TIMM23: variants seen among roughly 807,000 people sequenced by gnomAD.
TIMM23 encodes the protein mitochondrial import inner membrane translocase subunit Tim23.
TIMM23 carries 19 observed loss-of-function variants against 30.7 expected under a neutral mutation model. That is an observed-to-expected ratio of 0.62 (90% confidence interval 0.43 to 0.91). The LOEUF (loss-of-function observed/expected upper bound fraction) is 0.91, where lower values mean the gene tolerates loss of function less well. TIMM23 is among the 40% of genes least tolerant of loss of function. The pLI is 0.00. For synonymous variants in TIMM23, 78 were observed against 98.5 expected, an observed-to-expected ratio of 0.79 and a Z score of 1.23; for missense variants, 202 against 269.2, an observed-to-expected ratio of 0.75 and a Z score of 1.75.
intron 2 of TIMM23, among the ~76,000 whole-genome samples, chr10:45,976,259 A>T (rs1427682827): frequency 4.6e-5 from 7 of 151,652 alleles, no homozygotes; most frequent in African/African-American, 1.7e-4. Context: ...CCACATGCTT[A>T]TCTCAATAGA....
intron 6 of TIMM23, among the ~76,000 whole-genome samples, chr10:45,994,161 G>A (rs1838255884): frequency 6.6e-6 from 1 of 151,978 alleles, no homozygotes; most frequent in Non-Finnish European, 1.5e-5. Context: ...CCAACATGAC[G>A]AAACCCCATC....
At chr10:45,982,379 A>G (rs1295606464) in intron 2 of TIMM23, 144 bp from the exon 3 acceptor site, 6 of 727,912 alleles carry the variant, frequency 8.2e-6, no homozygotes, top group Non-Finnish European at 1.1e-5. Context: ...TGCTGCAGAA[A>G]GTTTTATTTT....
chr10:45,974,037 T>C (rs1222282508), intron 1 of TIMM23, among the ~76,000 whole-genome samples: 9 of 152,114 alleles, frequency 5.9e-5, no homozygotes, highest in African/African-American at 9.7e-5. Flanking sequence ...TGTGACAATA[T>C]TGTTAAATTA....
chr10:45,992,537 C>G (rs1464349752), intron 6 of TIMM23: 1 of 430,140 alleles, frequency 2.3e-6, no homozygotes, highest in Admixed American at 2.9e-5. Context: ...AGGTAGCAAT[C>G]AAAATCCAAT....
chr10:45,988,312 A>C (rs1470667554), intron 5 of TIMM23, among the ~76,000 whole-genome samples: 2 of 152,100 alleles, frequency 1.3e-5, no homozygotes, highest in African/African-American at 4.8e-5. Context: ...ATGGGGTACG[A>C]TCTTTTCTGA....
At chr10:45,996,968 C>CAAAA (rs1172844294) in intron 6 of TIMM23, among the ~76,000 whole-genome samples, 2 of 112,508 alleles carry the variant, frequency 1.8e-5, no homozygotes, top group African/African-American at 3.5e-5. Context: ...CTGTGTCAAA[C>CAAAA]AAAAAAAAAA....
At chr10:45,999,833 T>C (rs979824953) in intron 6 of TIMM23, among the ~76,000 whole-genome samples, 26 of 152,082 alleles carry the variant, frequency 1.7e-4, no homozygotes, top group African/African-American at 5.8e-4. Flanking sequence ...CTACAGACCA[T>C]AAAAGATGGC....
At chr10:45,991,805 CTG>C (rs1345109328) in intron 6 of TIMM23, among the ~76,000 whole-genome samples, 2 of 151,794 alleles carry the variant, frequency 1.3e-5, no homozygotes, top group Non-Finnish European at 2.9e-5. Flanking sequence ...TACTAGAAGA[CTG>C]TTTGCTGTTT....
intron 6 of TIMM23, among the ~76,000 whole-genome samples, chr10:45,993,625 G>T (rs1201534423): frequency 6.6e-6 from 1 of 152,096 alleles, no homozygotes; most frequent in South Asian, 2.1e-4. Flanking sequence ...GCACACTCCA[G>T]CCTGGGCGAT....
intron 6 of TIMM23, among the ~76,000 whole-genome samples, chr10:45,992,176 C>G (rs1305837260): frequency 6.6e-6 from 1 of 152,066 alleles, no homozygotes; most frequent in Non-Finnish European, 1.5e-5. Flanking sequence ...TGGGGTCTTG[C>G]TATGTTACCC....
At chr10:45,999,626 G>T (rs1221842405) in intron 6 of TIMM23, among the ~76,000 whole-genome samples, 2 of 152,192 alleles carry the variant, frequency 1.3e-5, no homozygotes, top group African/African-American at 4.8e-5. Context: ...GGCAGGGCGA[G>T]ATCATAGGAC....
chr10:45,989,146 A>AGAG (rs1838083451), intron 6 of TIMM23, among the ~76,000 whole-genome samples: 3 of 152,088 alleles, frequency 2.0e-5, no homozygotes, highest in Non-Finnish European at 4.4e-5. Context: ...CCAATTTACC[A>AGAG]CTTCCTTAGC....
intron 5 of TIMM23, among the ~76,000 whole-genome samples, chr10:45,986,340 T>C: frequency 6.6e-6 from 1 of 152,256 alleles, no homozygotes; most frequent in South Asian, 2.1e-4. Context: ...CTTGTATACC[T>C]AGAGTAGTCA....
At chr10:45,995,411 T>C (rs1297920872) in intron 6 of TIMM23, among the ~76,000 whole-genome samples, 17 of 146,828 alleles carry the variant, frequency 1.2e-4, no homozygotes, top group African/African-American at 4.1e-4. Context: ...CATGCCTATC[T>C]GATGGGCTAG....
chr10:45,982,977 C>T (rs1483712766), intron 4 of TIMM23, 47 bp downstream of exon 4: 3 of 1,611,988 alleles, frequency 1.9e-6, no homozygotes, highest in Non-Finnish European at 2.5e-6. Context: ...GAATATTAAG[C>T]TCTGTTGTAT....
intron 2 of TIMM23, among the ~76,000 whole-genome samples, chr10:45,976,714 C>T (rs1332480822): frequency 2.4e-3 from 363 of 152,046 alleles, no homozygotes; most frequent in African/African-American, 8.5e-3. Flanking sequence ...GACTGAATGC[C>T]TTCTCCCTAA....
At chr10:45,985,521 T>G in intron 5 of TIMM23, 80 bp downstream of exon 5, 6 of 1,520,602 alleles carry the variant, frequency 3.9e-6, no homozygotes, top group South Asian at 1.1e-5. Flanking sequence ...CAACCCATAT[T>G]CTGGTCCTAG....
In TIMM23 at chr10:45,985,475, A is replaced by G. The variant is rs1480844188; in HGVS notation, c.403+34A>G. ...AGATCTCATTTGATAATAAATTGTT[A>G]AAGAAAGAATGCACAAATATCATGA... On this transcript the variant is annotated intron_variant, in intron 5 of 6. Transcript: ENST00000580018. 3.7e-6 allele frequency: 6 copies of G among 1,610,938 alleles called. No homozygotes were observed. In the African/African-American group the frequency reaches 6.7e-5, roughly 18 times the overall value.
At chr10:45,987,418 T>G (rs1320185382) in intron 5 of TIMM23, among the ~76,000 whole-genome samples, 1 of 152,044 alleles carries the variant, frequency 6.6e-6, no homozygotes, top group Non-Finnish European at 1.5e-5. Context: ...GGTTGAGCAC[T>G]CTGTCCCACA....
Sources: gnomAD v4.1 joint callset for allele counts (sites outside exome capture counted in the v4.1 genomes callset) on GRCh38, gnomAD v4.1.1 for gene constraint, MANE v1.5 for transcripts, NCBI Gene and HGNC (gene_info 2026-07-23, HGNC 2026-07-21) for gene names.